The following MAGI1 variants were observed in gnomAD, a reference collection of about 807,000 sequenced individuals.
MAGI1 encodes the protein membrane associated guanylate kinase, WW and PDZ domain containing 1.
A neutral mutation model predicts 139.9 loss-of-function variants in MAGI1; 58 were observed. That is an observed-to-expected ratio of 0.41 (90% CI 0.34 to 0.52). MAGI1 has a LOEUF of 0.52. Among genes scored for constraint, MAGI1 ranks in the 20% least tolerant of loss-of-function variants. MAGI1 has a pLI of 0.12. For missense variants in MAGI1, 1,874 were observed against 1,901.6 expected (o/e 0.99, Z 0.27); for synonymous variants, 812 against 737.9 (o/e 1.10, Z -1.63).
At chr3:65,424,231 T>C (rs778986033) in intron 12 of MAGI1, among the ~76,000 whole-genome samples, 1 of 152,208 alleles carries the variant, frequency 6.6e-6, no homozygotes, top group Non-Finnish European at 1.5e-5. Flanking sequence ...ACCATTTTCT[T>C]ATCTAAGTTT....
intron 1 of MAGI1, among the ~76,000 whole-genome samples, chr3:65,860,718 C>T (rs1027337825): frequency 3.9e-5 from 6 of 152,146 alleles, no homozygotes; most frequent in African/African-American, 9.7e-5. Flanking sequence ...AGGCAGGATG[C>T]GTGCGGTAGG....
chr3:65,529,547 T>C (rs1246163466), intron 2 of MAGI1, among the ~76,000 whole-genome samples: 2 of 152,244 alleles, frequency 1.3e-5, no homozygotes, highest in African/African-American at 2.4e-5. Context: ...TAATTCCTTT[T>C]CATGGCTGAG....
intron 1 of MAGI1, among the ~76,000 whole-genome samples, chr3:65,883,071 C>G (rs574724617): frequency 2.0e-4 from 30 of 152,226 alleles, no homozygotes; most frequent in African/African-American, 7.0e-4. Context: ...ATTTATACAC[C>G]CATTTATCTC....
At chr3:65,590,625 T>A (rs1000616705) in intron 2 of MAGI1, among the ~76,000 whole-genome samples, 3 of 152,200 alleles carry the variant, frequency 2.0e-5, no homozygotes, top group African/African-American at 7.2e-5. Flanking sequence ...CATTCGTCTT[T>A]AATTAGCTGC....
chr3:65,597,443 G>C (rs2082267974), intron 2 of MAGI1, among the ~76,000 whole-genome samples: 1 of 151,230 alleles, frequency 6.6e-6, no homozygotes, highest in Admixed American at 6.6e-5. Context: ...CCCATTGTTC[G>C]CCAGGCATCT....
chr3:65,493,469 A>T (rs1223467685), intron 3 of MAGI1, 43 bp downstream of exon 3: 15 of 1,613,532 alleles, frequency 9.3e-6, no homozygotes, highest in Non-Finnish European at 1.2e-5. Context: ...CCTCTCAAGT[A>T]CCCAGGAGAG....
intron 1 of MAGI1, among the ~76,000 whole-genome samples, chr3:65,847,811 C>T (rs1475066340): frequency 6.6e-6 from 1 of 152,194 alleles, no homozygotes; most frequent in African/African-American, 2.4e-5. Context: ...CAAGTGAGGA[C>T]ACTGAAGCTC....
At chr3:65,403,012 G>C (rs1945035423) in intron 12 of MAGI1, among the ~76,000 whole-genome samples, 1 of 152,134 alleles carries the variant, frequency 6.6e-6, no homozygotes, top group Non-Finnish European at 1.5e-5. Context: ...GAGAATCTGA[G>C]GACCATATTT....
intron 1 of MAGI1, among the ~76,000 whole-genome samples, chr3:65,876,554 T>C (rs2060126048): frequency 6.6e-6 from 1 of 151,982 alleles, no homozygotes; most frequent in Non-Finnish European, 1.5e-5. Flanking sequence ...GAAATCACAA[T>C]AAATATAAAT....
rs575946771 is a variant in MAGI1, at chr3:65,768,984, T to C, written c.314-146896A>G. Among the ~76,000 whole-genome samples, 21 of 152,264 alleles carry C rather than the reference T, an allele frequency of 1.4e-4. 1 individual carries two copies. In the South Asian group the frequency reaches 4.4e-3, roughly 32 times the overall value. On this transcript the variant is annotated intron_variant, in intron 1 of 22. Coordinates refer to ENST00000402939, the MANE Select transcript of MAGI1 (RefSeq NM_001033057.2). Reference sequence around the variant, plus strand: ...AGCAAACCTAGTGCTAAGAAACTCCTTGAAACTTGAAACCAGCAAAGAGCC... The same window carrying C: ...AGCAAACCTAGTGCTAAGAAACTCCCTGAAACTTGAAACCAGCAAAGAGCC...
At chr3:65,570,016 C>A (rs1180991679) in intron 2 of MAGI1, among the ~76,000 whole-genome samples, 1 of 150,578 alleles carries the variant, frequency 6.6e-6, no homozygotes, top group Non-Finnish European at 1.5e-5. Flanking sequence ...AGTATACTCT[C>A]TCAACCACTA....
intron 1 of MAGI1, among the ~76,000 whole-genome samples, chr3:66,032,184 T>A (rs1011946546): frequency 1.3e-5 from 2 of 150,964 alleles, no homozygotes; most frequent in African/African-American, 4.9e-5. Context: ...CATTCAGGCA[T>A]CCAACCAATT....
intron 2 of MAGI1, among the ~76,000 whole-genome samples, chr3:65,621,197 A>G (rs2083651492): frequency 6.6e-6 from 1 of 152,204 alleles, no homozygotes; most frequent in African/African-American, 2.4e-5. Context: ...TAAGTAATAA[A>G]ACCAGAATCA....
intron 1 of MAGI1, among the ~76,000 whole-genome samples, chr3:65,689,792 TAACTAACTAGA>T (rs1228192197): frequency 6.6e-6 from 1 of 152,252 alleles, no homozygotes; most frequent in East Asian, 1.9e-4. Context: ...AGCTGCAACT[TAACTAACTAGA>T]AGGTCAATTA....
At chr3:65,811,687 C>T (rs1051753354) in intron 1 of MAGI1, among the ~76,000 whole-genome samples, 87 of 150,714 alleles carry the variant, frequency 5.8e-4, no homozygotes, top group African/African-American at 1.5e-3. Context: ...TAAATAAATA[C>T]ACAAACAAAA....
intron 18 of MAGI1, among the ~76,000 whole-genome samples, chr3:65,370,972 T>G (rs1322163657): frequency 6.6e-6 from 1 of 152,096 alleles, no homozygotes; most frequent in Non-Finnish European, 1.5e-5. Context: ...TTTTATTAAA[T>G]TAAGTCAACA....
intron 1 of MAGI1, among the ~76,000 whole-genome samples, chr3:66,006,038 G>C (rs1423455379): frequency 1.3e-5 from 2 of 152,138 alleles, no homozygotes; most frequent in East Asian, 3.8e-4. Flanking sequence ...TATTTAGAGA[G>C]ATCAGTAATT....
chr3:65,988,670 C>T (rs556420012), intron 1 of MAGI1, among the ~76,000 whole-genome samples: 9 of 152,174 alleles, frequency 5.9e-5, no homozygotes, highest in Non-Finnish European at 1.2e-4. Flanking sequence ...AGTTCAAGCA[C>T]TAAGATGAGC....
chr3:65,904,024 G>T (rs988311525), intron 1 of MAGI1, among the ~76,000 whole-genome samples: 2 of 151,574 alleles, frequency 1.3e-5, no homozygotes, highest in African/African-American at 4.8e-5. Context: ...AAAAAAGAAA[G>T]AAAGAAAATC....
Sources: allele counts gnomAD v4.1 joint callset (sites outside exome capture counted in the v4.1 genomes callset), GRCh38; gene constraint gnomAD v4.1.1; transcripts MANE v1.5; gene names NCBI Gene and HGNC (gene_info 2026-07-23, HGNC 2026-07-21).